The following HERC2 variants were observed in gnomAD, a reference collection of about 807,000 sequenced individuals.
HERC2 encodes HECT and RLD domain containing E3 ubiquitin protein ligase 2, also known as E3 ubiquitin-protein ligase HERC2.
A neutral mutation model predicts 537.7 loss-of-function variants in HERC2; 102 were observed. The ratio of observed to expected loss-of-function variants is 0.19; its 90% confidence interval spans 0.16 to 0.22. HERC2 has a LOEUF of 0.22. Among genes scored for constraint, HERC2 ranks in the 10% least tolerant of loss-of-function variants. HERC2 has a pLI of 1.00. For synonymous variants in HERC2, 2,224 were observed against 2,466.2 expected (o/e 0.90, Z 2.91); for missense variants, 4,236 against 6,198.2 (o/e 0.68, Z 10.63).
intron 3 of HERC2, among the ~76,000 whole-genome samples, chr15:28,295,326 G>A (rs1434783900): frequency 7.4e-6 from 1 of 134,302 alleles, no homozygotes; most frequent in African/African-American, 2.7e-5. Flanking sequence ...GGGGAGTGGG[G>A]GGGAGGCGGT....
intron 9 of HERC2, among the ~76,000 whole-genome samples, chr15:28,271,428 C>G (rs1430740390): frequency 6.6e-6 from 1 of 152,092 alleles, no homozygotes; most frequent in Non-Finnish European, 1.5e-5. Flanking sequence ...TTTGGGAGGG[C>G]CAGGCAGGCG....
At chr15:28,181,421 C>A (rs1309370788) in intron 57 of HERC2, among the ~76,000 whole-genome samples, 1 of 152,154 alleles carries the variant, frequency 6.6e-6, no homozygotes, top group Non-Finnish European at 1.5e-5. Context: ...AACACAAATG[C>A]AATTCAAGAC....
At chr15:28,297,690 A>C (rs3881391) in intron 3 of HERC2, among the ~76,000 whole-genome samples, 3 of 152,212 alleles carry the variant, frequency 2.0e-5, no homozygotes, top group Non-Finnish European at 4.4e-5. Context: ...CATCAGGCCA[A>C]CTATTGCCTC....
At chr15:28,223,892 C>T (rs1900795652) in intron 35 of HERC2, among the ~76,000 whole-genome samples, 1 of 151,836 alleles carries the variant, frequency 6.6e-6, no homozygotes, top group Non-Finnish European at 1.5e-5. Flanking sequence ...GAACAAGTCC[C>T]CATACTTAAT....
chr15:28,121,102 G>T (rs1486592423), intron 86 of HERC2, among the ~76,000 whole-genome samples: 1 of 152,190 alleles, frequency 6.6e-6, no homozygotes, highest in African/African-American at 2.4e-5. Context: ...TTGCTGACCT[G>T]TGTTTGTGCT....
chr15:28,200,526 G>A (rs1490219928), intron 48 of HERC2, among the ~76,000 whole-genome samples: 1 of 152,154 alleles, frequency 6.6e-6, no homozygotes, highest in Non-Finnish European at 1.5e-5. Context: ...GTCTGTTGTT[G>A]AAGCTGCCAG....
At position 28,273,231 on chromosome 15, in the gene HERC2, T is replaced by C. The variant is rs1596365874; in HGVS notation, c.801-227A>G. ...TAAAGTGTTCACTCAGATACTATAT[T>C]ACAGTAGATGACATACTCCATGTAT... On this transcript the variant is annotated intron_variant, in intron 7 of 92. Coordinates refer to ENST00000261609, the MANE Select transcript of HERC2 (RefSeq NM_004667.6). 11 of 585,962 alleles carry C rather than the reference T, an allele frequency of 1.9e-5. No individual in the cohort carries two copies. In the South Asian group the frequency reaches 2.3e-4, roughly 12 times the overall value. The allele number at this position is 585,962 out of a possible 1,614,324, so 36.3% of individuals were successfully genotyped here.
rs754546559 is a variant in HERC2, at chr15:28,191,146, T to C, written c.8550A>G (p.Val2850=). 1.2e-6 allele frequency: 2 copies of C among 1,611,724 alleles called. No homozygotes were observed. Among genetic ancestry groups the C allele is most frequent in the East Asian group, 2.2e-5 (1 of 44,846 alleles). ...GTAAACTAACTGAATTACCTGACAC[T>C]ACAACCAGGGACGGCATGTAGCTAC... The part of the protein sequence containing the change: ...ADSSYMPSLV[V]VSGGNSLNNL... The change falls in exon 54 of 93, where the codon GTA becomes GTG. Residue 2850 remains valine (V), a synonymous_variant. Transcript: ENST00000261609.
intron 2 of HERC2, among the ~76,000 whole-genome samples, chr15:28,319,824 AAC>A (rs1416622526): frequency 2.6e-5 from 4 of 152,224 alleles, no homozygotes; most frequent in Non-Finnish European, 5.9e-5. Context: ...TATTAAGAAA[AAC>A]ACTTTATTAC....
chr15:28,207,857 G>A (rs1898652102), intron 44 of HERC2, among the ~76,000 whole-genome samples: 1 of 151,948 alleles, frequency 6.6e-6, no homozygotes, highest in Admixed American at 6.5e-5. Context: ...CTCTGCCATT[G>A]CAGAGCAAAA....
At position 28,198,411 on chromosome 15, in the gene HERC2, A is replaced by C; in HGVS notation, c.7978T>G (p.Ser2660Ala). 6.2e-7 allele frequency: 1 copy of C among 1,613,054 alleles called. No homozygotes were observed. The change falls in exon 50 of 93, where the codon TCT (serine) becomes GCT (alanine). Residue 2660 changes from serine to alanine, a missense_variant. Coordinates refer to ENST00000261609, the MANE Select transcript of HERC2 (RefSeq NM_004667.6). ...SVTTPKYKWGSVTHQSVGVVK... is the reference protein window; with the variant it reads ...SVTTPKYKWGAVTHQSVGVVK... ...ACCCCCACACTCTGATGAGTCACAG[A>C]TCCCCATTTGTATTTTGGTGTGGTG...
At chr15:28,236,848 A>G (rs1902513242) in intron 26 of HERC2, 115 bp downstream of exon 26, 1 of 719,616 alleles carries the variant, frequency 1.4e-6, no homozygotes, top group South Asian at 1.7e-5. Context: ...ACAACCTCCC[A>G]AACTGCTGGG....
intron 17 of HERC2, among the ~76,000 whole-genome samples, chr15:28,256,556 G>A (rs1170578112): frequency 6.6e-6 from 1 of 152,116 alleles, no homozygotes; most frequent in East Asian, 1.9e-4. Context: ...ATCAGCAGAA[G>A]AGCTAAACAA....
chr15:28,321,660 C>A (rs1419799746), intron 1 of HERC2, among the ~76,000 whole-genome samples, 196 bp from the exon 2 acceptor site: 3 of 117,446 alleles, frequency 2.6e-5, no homozygotes, highest in Non-Finnish European at 4.8e-5. Context: ...AGCCTCCTTC[C>A]AAGGTAAGCA....
intron 35 of HERC2, among the ~76,000 whole-genome samples, chr15:28,227,257 GGAGT>G (rs1315600436): frequency 1.3e-5 from 2 of 150,168 alleles, no homozygotes; most frequent in Non-Finnish European, 2.9e-5. Flanking sequence ...CCTAGGCGAC[GGAGT>G]GAGACTCCGT....
chr15:28,254,901 T>C (rs189655212), intron 19 of HERC2, among the ~76,000 whole-genome samples: 2 of 152,324 alleles, frequency 1.3e-5, no homozygotes, highest in African/African-American at 4.8e-5. Flanking sequence ...CAAATGTAAA[T>C]GGCAAAGCCA....
intron 79 of HERC2, 97 bp from the exon 80 acceptor site, chr15:28,132,927 T>A: frequency 1.0e-6 from 1 of 982,492 alleles, no homozygotes; most frequent in Non-Finnish European, 1.4e-6. Context: ...TCCTAATCAG[T>A]TAATTGTTAA....
intron 69 of HERC2, among the ~76,000 whole-genome samples, chr15:28,159,627 A>G (rs1893367407): frequency 6.6e-6 from 1 of 152,110 alleles, no homozygotes; most frequent in East Asian, 1.9e-4. Context: ...CTAGTTAGCC[A>G]TTCGTCTAAT....
rs572969898 is a variant in HERC2, at chr15:28,239,384, G to C, written c.3578-612C>G. On this transcript the variant is annotated intron_variant, in intron 23 of 92. Transcript: ENST00000261609. Reference sequence around the variant, plus strand: ...CTCAAAAAAAGAAAACCTGAGTGGTGGTCACCTATGCAAGTGCTAGGATAC... The same window carrying C: ...CTCAAAAAAAGAAAACCTGAGTGGTCGTCACCTATGCAAGTGCTAGGATAC... Among the ~76,000 whole-genome samples, 3 of 151,944 alleles carry C rather than the reference G, an allele frequency of 2.0e-5. No homozygotes were observed. The South Asian group carries it at 6.2e-4, about 32-fold the overall frequency.
Sources: allele counts gnomAD v4.1 joint callset (sites outside exome capture counted in the v4.1 genomes callset), GRCh38; gene constraint gnomAD v4.1.1; transcripts MANE v1.5; gene names NCBI Gene and HGNC (gene_info 2026-07-23, HGNC 2026-07-21).